ZFHX4: variants seen among roughly 807,000 people sequenced by gnomAD.
The protein encoded by ZFHX4 is zinc finger homeobox protein 4.
In ZFHX4, 56 loss-of-function variants were observed where a neutral mutation model predicts 267.6. That is an observed-to-expected ratio of 0.21 (90% CI 0.17 to 0.26). The LOEUF is 0.26. ZFHX4 is among the 10% of genes least tolerant of loss of function. The pLI, the probability that ZFHX4 is intolerant of heterozygous loss-of-function variation, is 1.00. For synonymous variants in ZFHX4, 1,778 were observed against 1,665.6 expected (o/e 1.07, Z -1.64); for missense variants, 4,332 against 4,420.0 (o/e 0.98, Z 0.56).
Position 76,706,794 on chromosome 8 carries a change from G to A in ZFHX4, c.2590+116G>A, listed in dbSNP as rs1449991869. The A allele has an allele frequency of 1.3e-5, 15 of 1,165,066 alleles. No homozygotes were observed. The South Asian group carries it at 2.7e-4, about 21-fold the overall frequency. 72.2% of individuals were successfully genotyped at this position (1,165,066 alleles called of 1,614,324 possible). The stretch of plus-strand genomic sequence containing the variant: ...CAAATTGAGGACAGCTTACTAGAAA[G>A]GACTTTCTCTTTAAGCTGGATAATC... On this transcript the variant is annotated intron_variant, in intron 2 of 10. Transcript: ENST00000651372.
rs1488473898 is a variant in ZFHX4, at chr8:76,853,408, G to T, written c.6487G>T (p.Ala2163Ser). Residue 2163 changes from alanine (A) to serine (S), a missense_variant, in exon 10 of 11, where the codon GCA becomes TCA. This residue lies in a region of ZFHX4 where 48 missense variants were observed against 95.4 expected (regional missense o/e 0.50). Transcript: ENST00000651372. ...SPSEEQIQEM[A>S]EKSGLSQKVI... Reference sequence around the variant, plus strand: ...AAGTGAAGAACAGATCCAGGAAATGGCAGAGAAATCTGGCCTCTCCCAAAA... The same window carrying T: ...AAGTGAAGAACAGATCCAGGAAATGTCAGAGAAATCTGGCCTCTCCCAAAA... 1 of 1,613,854 alleles carries T rather than the reference G, an allele frequency of 6.2e-7. No homozygotes were observed. Among genetic ancestry groups the T allele is most frequent in the Non-Finnish European group, 8.5e-7 (1 of 1,179,876 alleles).
Position 76,846,867 on chromosome 8 carries a change from A to G in ZFHX4, c.3512-2128A>G, listed in dbSNP as rs559466070. On this transcript the variant is annotated intron_variant, in intron 6 of 10. Coordinates refer to ENST00000651372, the MANE Select transcript of ZFHX4 (RefSeq NM_024721.5). ...TGATCCAAAGGGCCTGCAAGCAACT[A>G]AGTCATGGAAATTCTCTTTTAACTT... Among the ~76,000 whole-genome samples, 9 of 152,256 alleles carry G rather than the reference A, an allele frequency of 5.9e-5. No homozygotes were observed. The East Asian group carries it at 1.7e-3, about 29-fold the overall frequency.
chr8:76,743,776 A>G (rs1809383699), intron 3 of ZFHX4, among the ~76,000 whole-genome samples: 1 of 152,180 alleles, frequency 6.6e-6, no homozygotes, highest in African/African-American at 2.4e-5. Flanking sequence ...GTATTAAGAA[A>G]CTGGCAAGTC....
rs760642283 is a variant in ZFHX4 at position 76,854,116 on chromosome 8, C to A, written c.7195C>A (p.Pro2399Thr). ...CCTGATTCCATCACCCAAACCAGAA[C>A]CTGAGAAGACTTCTCCAAAACCTGA... ...TPLIPSPKPE[P>T]EKTSPKPEYP... is the part of the protein sequence containing the mutation. Residue 2399 changes from proline to threonine, a missense_variant, in exon 10 of 11, where the codon CCT (proline) becomes ACT (threonine). Pro to Thr is a conservative substitution (Grantham distance 38). Coordinates refer to ENST00000651372, the MANE Select transcript of ZFHX4 (RefSeq NM_024721.5). The A allele has an allele frequency of 6.2e-7, 1 of 1,613,712 alleles. No individual in the cohort carries two copies. The highest frequency in any genetic ancestry group is 1.1e-5 in the South Asian group (1 of 91,076).
intron 4 of ZFHX4, among the ~76,000 whole-genome samples, chr8:76,828,833 T>C (rs142289522): frequency 4.5e-4 from 69 of 152,360 alleles, no homozygotes; most frequent in African/African-American, 1.6e-3. Flanking sequence ...TGCATAGGAA[T>C]ACAGAAAATG....
chr8:76,854,225 C>T lies in ZFHX4; in HGVS notation c.7304C>T (p.Ser2435Phe). The T allele has an allele frequency of 6.4e-7, 1 of 1,566,716 alleles. No individual in the cohort carries two copies. ...TKPALPLAST[S>F]SDPPQASTAQ... ...CCAGCCCTGCCATTAGCATCGACTT[C>T]CTCGGACCCACCACAGGCATCCACA... The change falls in exon 10 of 11, where the codon TCC (serine) becomes TTC (phenylalanine). Residue 2435 changes from serine (S) to phenylalanine (F), a missense_variant. Ser to Phe is a radical substitution (Grantham distance 155). Coordinates refer to ENST00000651372, the MANE Select transcript of ZFHX4 (RefSeq NM_024721.5).
intron 4 of ZFHX4, among the ~76,000 whole-genome samples, chr8:76,828,339 G>T (rs150201127): frequency 6.6e-6 from 1 of 152,170 alleles, no homozygotes; most frequent in South Asian, 2.1e-4. Context: ...GGGATGCCTA[G>T]AGGCAGTGCT....
intron 4 of ZFHX4, among the ~76,000 whole-genome samples, chr8:76,795,532 AT>A (rs1188794255): frequency 6.6e-6 from 1 of 150,894 alleles, no homozygotes; most frequent in Non-Finnish European, 1.5e-5. Context: ...CAGAACAAAA[AT>A]GATCCAAGTC....
At chr8:76,686,945 C>T (rs1043676739) in intron 1 of ZFHX4, among the ~76,000 whole-genome samples, 16 of 152,306 alleles carry the variant, frequency 1.1e-4, no homozygotes, top group Admixed American at 7.2e-4. Context: ...GGTTTCCCCC[C>T]CTTCTAAGAC....
chr8:76,690,459 T>C (rs1313042317), intron 1 of ZFHX4, among the ~76,000 whole-genome samples: 1 of 152,044 alleles, frequency 6.6e-6, no homozygotes, highest in Non-Finnish European at 1.5e-5. Context: ...CTTGGAAGAA[T>C]AGGTTGAAAA....
intron 1 of ZFHX4, among the ~76,000 whole-genome samples, chr8:76,696,665 C>T (rs1317997596): frequency 1.3e-5 from 2 of 149,700 alleles, no homozygotes; most frequent in African/African-American, 4.9e-5. Flanking sequence ...AAATAAAAAT[C>T]CCCAAACAAA....
intron 3 of ZFHX4, among the ~76,000 whole-genome samples, chr8:76,741,937 A>G (rs531398940): frequency 6.6e-6 from 1 of 152,232 alleles, no homozygotes; most frequent in South Asian, 2.1e-4. Context: ...TTTTGGTCAT[A>G]TTTTCCAGCT....
chr8:76,729,714 T>C (rs1171567085), intron 3 of ZFHX4, among the ~76,000 whole-genome samples: 1 of 152,128 alleles, frequency 6.6e-6, no homozygotes, highest in East Asian at 1.9e-4. Flanking sequence ...TAAAATTCTA[T>C]TGCATCAGCA....
chr8:76,709,762 A>G (rs187603163), intron 3 of ZFHX4, among the ~76,000 whole-genome samples: 3 of 150,776 alleles, frequency 2.0e-5, no homozygotes, highest in African/African-American at 7.3e-5. Context: ...CTGCTTGATG[A>G]TTATTTAAAT....
intron 3 of ZFHX4, among the ~76,000 whole-genome samples, chr8:76,775,600 G>A (rs1469322411): frequency 6.6e-6 from 1 of 152,158 alleles, no homozygotes; most frequent in Non-Finnish European, 1.5e-5. Flanking sequence ...TAGTGCCATG[G>A]CTCTAATCCC....
chr8:76,805,215 A>G (rs1194642098), intron 4 of ZFHX4, among the ~76,000 whole-genome samples: 1 of 152,008 alleles, frequency 6.6e-6, no homozygotes, highest in African/African-American at 2.4e-5. Flanking sequence ...CTGTTATTCC[A>G]TTTTGTACAG....
rs759491057 is a variant in ZFHX4 at position 76,855,069 on chromosome 8, C to G, written c.8148C>G (p.Ser2716=). ...GCTTGCCACCAAGCCCTTTAATATC[C>G]ACCGAAGATGGGGGAGAAAGCCCAC... ...GYSLPPSPLI[S]TEDGGESPQK... The change falls in exon 10 of 11, where the codon TCC becomes TCG. Residue 2716 remains serine (S), a synonymous_variant. Transcript: ENST00000651372. 2.5e-6 allele frequency: 4 copies of G among 1,613,864 alleles called. No homozygotes were observed. Among genetic ancestry groups the G allele is most frequent in the Non-Finnish European group, 3.4e-6 (4 of 1,179,842 alleles).
At position 76,864,356 on chromosome 8, in the gene ZFHX4, C is replaced by T. The variant is rs777234804; in HGVS notation, c.10642C>T (p.Leu3548Phe). 6 of 1,613,844 alleles carry T rather than the reference C, an allele frequency of 3.7e-6. No individual in the cohort carries two copies. The highest frequency in any genetic ancestry group is 4.5e-5 in the East Asian group (2 of 44,840). Residue 3548 changes from leucine to phenylalanine, a missense_variant, in exon 11 of 11, where the codon CTT becomes TTT. This residue lies in a region of ZFHX4 where 1,648 missense variants were observed against 1,625.0 expected (regional missense o/e 1.01). Transcript: ENST00000651372. ...TTCTCCCCCTTCTTCTCCTCCTTCC[C>T]TTTCCTTGCCTTCAACGGTTACCTC... ...AASPPSSPPS[L>F]SLPSTVTSSL...
At chr8:76,744,594 G>A (rs927898998) in intron 3 of ZFHX4, among the ~76,000 whole-genome samples, 14 of 151,666 alleles carry the variant, frequency 9.2e-5, no homozygotes, top group Admixed American at 3.9e-4. Flanking sequence ...TGTATTTTTC[G>A]TAGAGACAGG....
Sources: gnomAD v4.1 joint callset for allele counts (sites outside exome capture counted in the v4.1 genomes callset) on GRCh38, gnomAD v4.1.1 for gene constraint, gnomAD v4.1.1 regional missense constraint, MANE v1.5 for transcripts, NCBI Gene and HGNC (gene_info 2026-07-23, HGNC 2026-07-21) for gene names.